ZNF736: variants seen among roughly 807,000 people sequenced by gnomAD.
ZNF736 encodes the protein KRAB-containing zinc-finger repressor protein.
A neutral mutation model predicts 11.7 loss-of-function variants in ZNF736; 6 were observed. That is an observed-to-expected ratio of 0.51 (90% CI 0.28 to 1.01). ZNF736 has a LOEUF of 1.01. Ranked by LOEUF, ZNF736 falls within the 50% of genes least tolerant of loss-of-function variation. The probability of loss-of-function intolerance (pLI) is 0.09; values close to 1 mark genes in which losing one functional copy is unlikely to be tolerated. For synonymous variants in ZNF736, 139 were observed against 164.7 expected (o/e 0.84, Z 1.19); for missense variants, 444 against 496.0 (o/e 0.90, Z 1.00).
chr7:64,319,426 C>T (rs1238988125), intron 1 of ZNF736, among the ~76,000 whole-genome samples: 1 of 126,808 alleles, frequency 7.9e-6, no homozygotes, highest in Non-Finnish European at 1.6e-5. Context: ...GGACTTTTGA[C>T]TGTAGAGCTT....
intron 1 of ZNF736, among the ~76,000 whole-genome samples, chr7:64,321,229 G>T (rs1788997364): frequency 6.6e-6 from 1 of 152,126 alleles, no homozygotes; most frequent in African/African-American, 2.4e-5. Flanking sequence ...CTGTGAGACT[G>T]GTACAAAGCA....
At chr7:64,336,806 T>G in intron 2 of ZNF736, 81 bp from the exon 3 acceptor site, 2 of 1,110,602 alleles carry the variant, frequency 1.8e-6, no homozygotes, top group Non-Finnish European at 2.6e-6. Flanking sequence ...TATAATGTTC[T>G]CTCTTCTCTA....
At chr7:64,327,965 G>A (rs1012279142) in intron 1 of ZNF736, among the ~76,000 whole-genome samples, 3 of 152,100 alleles carry the variant, frequency 2.0e-5, no homozygotes, top group Non-Finnish European at 2.9e-5. Context: ...AGAAATATGA[G>A]TTATGGCCTT....
chr7:64,342,832 C>T (rs1378939061), intron 3 of ZNF736, among the ~76,000 whole-genome samples: 3 of 152,012 alleles, frequency 2.0e-5, no homozygotes, highest in Non-Finnish European at 4.4e-5. Context: ...ATCAACTTTT[C>T]TCAAACTTTG....
In ZNF736 at chr7:64,349,152, G is replaced by A; in HGVS notation, c.*5G>A. The A allele has an allele frequency of 6.6e-7, 1 of 1,514,230 alleles. No individual in the cohort carries two copies. The highest frequency in any genetic ancestry group is 8.8e-7 in the Non-Finnish European group (1 of 1,133,756). The allele number at this position is 1,514,230 out of a possible 1,614,324, so 93.8% of individuals were successfully genotyped here. ...GAGAAGCTCCACAAGTGTTAAAAAT[G>A]TGGAAAAGCCTTTACCAAGTCCTCA... On this transcript the variant is annotated 3_prime_UTR_variant, in exon 4 of 4. Coordinates refer to ENST00000423484, the MANE Select transcript of ZNF736 (RefSeq NM_001170905.3).
At chr7:64,322,280 G>C (rs1789013721) in intron 1 of ZNF736, among the ~76,000 whole-genome samples, 1 of 151,716 alleles carries the variant, frequency 6.6e-6, no homozygotes, top group South Asian at 2.1e-4. Context: ...TGTGTGAAGT[G>C]GTATCTCAAT....
At chr7:64,339,407 A>G (rs976449004) in intron 3 of ZNF736, among the ~76,000 whole-genome samples, 1 of 152,202 alleles carries the variant, frequency 6.6e-6, no homozygotes, top group Admixed American at 6.5e-5. Context: ...TAAGATTATT[A>G]AGAATTTATG....
intron 1 of ZNF736, among the ~76,000 whole-genome samples, chr7:64,315,059 C>G (rs1292782595): frequency 6.6e-6 from 1 of 152,278 alleles, no homozygotes; most frequent in South Asian, 2.1e-4. Flanking sequence ...CCCTGAAGTT[C>G]ATCATTTAGA....
intron 3 of ZNF736, among the ~76,000 whole-genome samples, chr7:64,338,720 T>C (rs1157984192): frequency 6.6e-6 from 1 of 151,554 alleles, no homozygotes; most frequent in Non-Finnish European, 1.5e-5. Context: ...CATGCCATGT[T>C]TTTTTTTTGT....
chr7:64,332,826 T>G (rs1422105855), intron 1 of ZNF736, among the ~76,000 whole-genome samples: 1 of 152,182 alleles, frequency 6.6e-6, no homozygotes, highest in Non-Finnish European at 1.5e-5. Flanking sequence ...CATGCCTGTT[T>G]ATAGGCTCTC....
In ZNF736 at chr7:64,314,036, C is replaced by A; in HGVS notation, c.-115C>A. On this transcript the variant is annotated 5_prime_UTR_variant, in exon 1 of 4. Coordinates refer to ENST00000423484, the MANE Select transcript of ZNF736 (RefSeq NM_001170905.3). ...ATCCTAGTTCGCGTCTCCACTGTTCCATCTCCTCCGTTCCTGGAGTTCCTC... is the reference window on the plus strand; with the variant it reads ...ATCCTAGTTCGCGTCTCCACTGTTCAATCTCCTCCGTTCCTGGAGTTCCTC... The A allele has an allele frequency of 7.0e-7, 1 of 1,435,102 alleles. No homozygotes were observed. The highest frequency in any genetic ancestry group is 2.0e-4 in the Middle Eastern group (1 of 4,890). 88.9% of individuals were successfully genotyped at this position (1,435,102 alleles called of 1,614,324 possible). A position where few individuals can be genotyped will look rare whatever the true frequency, so the allele number is the denominator to read the frequency against.
In ZNF736 at chr7:64,350,837, A is replaced by G. The variant is rs1292186552; in HGVS notation, c.*1690A>G. 1 of 151,370 alleles carries G rather than the reference A, an allele frequency of 6.6e-6. No individual in the cohort carries two copies. Among genetic ancestry groups the G allele is most frequent in the East Asian group, 1.9e-4 (1 of 5,164 alleles). The allele number at this position is 151,370 out of a possible 1,614,324, so 9.4% of individuals were successfully genotyped here. On this transcript the variant is annotated 3_prime_UTR_variant, in exon 4 of 4. Transcript: ENST00000423484. ...GTGGGTGGGCAATGCTCAGCTCACA[A>G]CTCAGAGGCTGCATACTCTAACTCC...
chr7:64,344,789 T>G (rs1177215436), intron 3 of ZNF736, among the ~76,000 whole-genome samples: 1 of 152,138 alleles, frequency 6.6e-6, no homozygotes, highest in African/African-American at 2.4e-5. Context: ...TTCAAGAGTT[T>G]ATATCTGTGC....
In ZNF736 at chr7:64,347,190, T is replaced by C. The variant is rs527783920; in HGVS notation, c.227-900T>C. Among the ~76,000 whole-genome samples, 177 of 151,370 alleles carry C rather than the reference T, an allele frequency of 1.2e-3. 1 individual carries two copies. Among genetic ancestry groups the C allele is most frequent in the Admixed American group, 1.9e-3 (29 of 15,142 alleles). On this transcript the variant is annotated intron_variant, in intron 3 of 3. Coordinates refer to ENST00000423484, the MANE Select transcript of ZNF736 (RefSeq NM_001170905.3). Reference sequence around the variant, plus strand: ...TCTATGGATGTTTTCTCTGAGCTTGTGTGTTTTTTAGTTAAAAAATGTTCG... The same window carrying C: ...TCTATGGATGTTTTCTCTGAGCTTGCGTGTTTTTTAGTTAAAAAATGTTCG...
intron 1 of ZNF736, among the ~76,000 whole-genome samples, chr7:64,329,722 C>G (rs765277469): frequency 1.3e-5 from 2 of 152,172 alleles, no homozygotes; most frequent in Admixed American, 6.5e-5. Flanking sequence ...AAAGCCAGCA[C>G]AGGACTGGCT....
chr7:64,337,321 A>G, intron 3 of ZNF736: 1 of 265,516 alleles, frequency 3.8e-6, no homozygotes, highest in Non-Finnish European at 7.1e-6. Context: ...GGAAACAGCA[A>G]TATCTGTATT....
At chr7:64,316,336 C>T (rs1788917839) in intron 1 of ZNF736, among the ~76,000 whole-genome samples, 1 of 152,198 alleles carries the variant, frequency 6.6e-6, no homozygotes, top group Non-Finnish European at 1.5e-5. Context: ...TCATTTCTTG[C>T]AGACACATTG....
At chr7:64,335,951 A>C (rs1789242935) in intron 1 of ZNF736, among the ~76,000 whole-genome samples, 3 of 152,214 alleles carry the variant, frequency 2.0e-5, no homozygotes, top group African/African-American at 7.2e-5. Flanking sequence ...TCCATATGGG[A>C]ACTATAGACA....
intron 1 of ZNF736, among the ~76,000 whole-genome samples, chr7:64,322,250 A>T (rs60196353): frequency 0.024 from 3,606 of 152,146 alleles, 145 homozygotes; most frequent in African/African-American, 0.083. Context: ...GTTGTTTTTC[A>T]TATAATAGCC....
Sources: gnomAD v4.1 joint callset for allele counts (sites outside exome capture counted in the v4.1 genomes callset) on GRCh38, gnomAD v4.1.1 for gene constraint, MANE v1.5 for transcripts, NCBI Gene and HGNC (gene_info 2026-07-23, HGNC 2026-07-21) for gene names.